Variants in FGF12 observed in about 807,000 individuals in gnomAD.
FGF12 encodes the protein fibroblast growth factor 12B.
In FGF12, 14 loss-of-function variants were observed where a neutral mutation model predicts 23.6. That is an observed-to-expected ratio of 0.59 (90% CI 0.39 to 0.93). The LOEUF (loss-of-function observed/expected upper bound fraction) is 0.93, where lower values mean the gene tolerates loss of function less well. FGF12 is among the 40% of genes least tolerant of loss of function. The pLI is 0.00. For synonymous variants in FGF12, 62 were observed against 77.3 expected, an observed-to-expected ratio of 0.80 and a Z score of 1.04; for missense variants, 175 against 217.8, an observed-to-expected ratio of 0.80 and a Z score of 1.24.
At chr3:192,389,147 G>A (rs1230676563) in intron 2 of FGF12, among the ~76,000 whole-genome samples, 2 of 152,158 alleles carry the variant, frequency 1.3e-5, no homozygotes, top group Non-Finnish European at 2.9e-5. Flanking sequence ...ATCACCAGAT[G>A]TCAGGAGTTC....
intron 2 of FGF12, among the ~76,000 whole-genome samples, chr3:192,682,034 C>T (rs866068964): frequency 9.2e-5 from 14 of 152,078 alleles, no homozygotes; most frequent in South Asian, 2.1e-4. Flanking sequence ...AATGGTTTGC[C>T]CATCATTTTC....
chr3:192,312,550 A>G (rs1716007803), intron 4 of FGF12, among the ~76,000 whole-genome samples: 1 of 152,128 alleles, frequency 6.6e-6, no homozygotes, highest in Non-Finnish European at 1.5e-5. Flanking sequence ...AATAAGTAGT[A>G]CATAAATTTT....
chr3:192,670,533 T>C (rs922105153), intron 2 of FGF12, among the ~76,000 whole-genome samples: 1 of 152,096 alleles, frequency 6.6e-6, no homozygotes, highest in African/African-American at 2.4e-5. Context: ...GTGAATAATA[T>C]AAATTGCCAT....
At chr3:192,522,473 AT>A (rs1310385920) in intron 2 of FGF12, among the ~76,000 whole-genome samples, 2 of 152,252 alleles carry the variant, frequency 1.3e-5, no homozygotes, top group Admixed American at 6.5e-5. Context: ...TAGAGAGAAT[AT>A]AAAGGAAATG....
At chr3:192,272,125 T>A (rs754772314) in intron 4 of FGF12, among the ~76,000 whole-genome samples, 6 of 152,180 alleles carry the variant, frequency 3.9e-5, no homozygotes, top group Non-Finnish European at 7.3e-5. Flanking sequence ...CATTAAAAAA[T>A]TAATGGCCCG....
chr3:192,394,489 G>C (rs967590087), intron 2 of FGF12, among the ~76,000 whole-genome samples: 2 of 152,024 alleles, frequency 1.3e-5, no homozygotes, highest in Non-Finnish European at 2.9e-5. Context: ...AGATATCTTG[G>C]AATACATACA....
rs572564017 is a variant in FGF12, at chr3:192,564,060, TTTTG to T, written c.13+163117_13+163120del. 4.3e-3 allele frequency among the ~76,000 whole-genome samples: 657 copies of T among 151,858 alleles called. 2 individuals carry two copies. Among genetic ancestry groups the T allele is most frequent in the African/African-American group, 0.015 (608 of 41,484 alleles). On this transcript the variant is annotated intron_variant, in intron 2 of 5. Transcript: ENST00000445105. ...TTGTTTTTTTTTGTTTGTTTTTTGT[TTTTG>T]TTTGTTTGTTTGTTTTTGAGACACA...
intron 2 of FGF12, among the ~76,000 whole-genome samples, chr3:192,649,548 A>G (rs781348836): frequency 6.7e-6 from 1 of 149,242 alleles, no homozygotes; most frequent in Non-Finnish European, 1.5e-5. Context: ...CATTTTAACT[A>G]TTTATTTTTA....
At chr3:192,211,468 G>A (rs980676931) in intron 4 of FGF12, among the ~76,000 whole-genome samples, 27 of 151,528 alleles carry the variant, frequency 1.8e-4, no homozygotes, top group Admixed American at 1.2e-3. Flanking sequence ...TCTTGTGGCC[G>A]AGGCTGGAGT....
chr3:192,370,526 G>C (rs1719180604), intron 2 of FGF12, among the ~76,000 whole-genome samples: 1 of 151,918 alleles, frequency 6.6e-6, no homozygotes, highest in Non-Finnish European at 1.5e-5. Context: ...CTGGGAGACA[G>C]AGTGAGAACC....
chr3:192,147,878 T>G (rs1313334130), intron 5 of FGF12, among the ~76,000 whole-genome samples: 1 of 152,182 alleles, frequency 6.6e-6, no homozygotes, highest in African/African-American at 2.4e-5. Context: ...TGGCCTTAAC[T>G]TCACTAAATA....
rs577159043 is a variant in FGF12, at chr3:192,141,322, A to T, written c.*2687T>A. The T allele has an allele frequency of 6.6e-6, 1 of 152,062 alleles. No homozygotes were observed. Among genetic ancestry groups the T allele is most frequent in the South Asian group, 2.1e-4 (1 of 4,830 alleles). 9.4% of individuals were successfully genotyped at this position (152,062 alleles called of 1,614,324 possible). On this transcript the variant is annotated 3_prime_UTR_variant, in exon 6 of 6. Coordinates refer to ENST00000445105, the MANE Select transcript of FGF12 (RefSeq NM_004113.6). ...ATATTATATGTTTACACATGGTAAT[A>T]TTTTTAAAAACTCAGTGAATACTGG...
chr3:192,652,437 T>A (rs529020715), intron 2 of FGF12, among the ~76,000 whole-genome samples: 34 of 152,296 alleles, frequency 2.2e-4, no homozygotes, highest in African/African-American at 7.5e-4. Flanking sequence ...TGAGTGGGCA[T>A]CGTTTTGTTC....
intron 2 of FGF12, among the ~76,000 whole-genome samples, chr3:192,566,423 A>G (rs754604831): frequency 6.6e-6 from 1 of 152,260 alleles, no homozygotes; most frequent in African/African-American, 2.4e-5. Context: ...CCTCAAATAC[A>G]CAATAGCCAT....
At chr3:192,351,979 C>A (rs1718239574) in intron 3 of FGF12, among the ~76,000 whole-genome samples, 1 of 152,098 alleles carries the variant, frequency 6.6e-6, no homozygotes, top group Non-Finnish European at 1.5e-5. Context: ...TATGTAAAAG[C>A]TCCAAGACAT....
At position 192,276,633 on chromosome 3, in the gene FGF12, G is replaced by A. The variant is rs141595525; in HGVS notation, c.228+58728C>T. Among the ~76,000 whole-genome samples the A allele has an allele frequency of 1.6e-4, 25 of 152,096 alleles. 1 individual carries two copies. The East Asian group carries it at 4.6e-3, about 28-fold the overall frequency. On this transcript the variant is annotated intron_variant, in intron 4 of 5. Coordinates refer to ENST00000445105, the MANE Select transcript of FGF12 (RefSeq NM_004113.6). ...GCCTCTCAGTTCCAATTTTTCCTGA[G>A]GTTAGCCATAGAAACTAGACCCCTT...
At chr3:192,696,284 G>T (rs895247437) in intron 2 of FGF12, among the ~76,000 whole-genome samples, 3 of 151,986 alleles carry the variant, frequency 2.0e-5, no homozygotes, top group Non-Finnish European at 4.4e-5. Context: ...TATAAGTGAG[G>T]CCAGAAGGTT....
At chr3:192,352,825 C>A (rs1448717299) in intron 3 of FGF12, among the ~76,000 whole-genome samples, 5 of 152,122 alleles carry the variant, frequency 3.3e-5, no homozygotes, top group Non-Finnish European at 5.9e-5. Context: ...GGCAAAGAAT[C>A]TCAAGTCAGA....
chr3:192,623,636 T>C (rs1715054613), intron 2 of FGF12, among the ~76,000 whole-genome samples: 1 of 152,190 alleles, frequency 6.6e-6, no homozygotes, highest in African/African-American at 2.4e-5. Context: ...TTAGTTTCTT[T>C]CATACGTTTG....
Sources: gnomAD v4.1 joint callset for allele counts (sites outside exome capture counted in the v4.1 genomes callset) on GRCh38, gnomAD v4.1.1 for gene constraint, MANE v1.5 for transcripts, NCBI Gene and HGNC (gene_info 2026-07-23, HGNC 2026-07-21) for gene names.